Variants in FSTL4 observed in about 807,000 individuals in gnomAD.
FSTL4 encodes follistatin-related protein 4.
A neutral mutation model predicts 78.2 loss-of-function variants in FSTL4; 28 were observed. The observed-to-expected ratio is 0.36, with a 90% CI of 0.27 to 0.49. FSTL4 has a LOEUF of 0.49. Ranked by LOEUF, FSTL4 falls within the 20% of genes least tolerant of loss-of-function variation. The pLI is 0.98. For missense variants in FSTL4, 922 were observed against 1,084.9 expected, an observed-to-expected ratio of 0.85 and a Z score of 2.11; for synonymous variants, 422 against 440.5, an observed-to-expected ratio of 0.96 and a Z score of 0.53.
intron 6 of FSTL4, 23 bp downstream of exon 6, chr5:133,312,631 T>C: frequency 1.2e-6 from 2 of 1,612,848 alleles, no homozygotes; most frequent in Non-Finnish European, 1.7e-6. Context: ...AATAAGCCCT[T>C]TTCCCACTGG....
At chr5:133,312,836 GATGAAA>G (rs1753820049) in intron 5 of FSTL4, 59 bp from the exon 6 acceptor site, 1 of 1,569,318 alleles carries the variant, frequency 6.4e-7, no homozygotes, top group Admixed American at 1.7e-5. Context: ...CATAGGCATT[GATGAAA>G]ATGACTCAGG....
chr5:133,514,412 AACC>A (rs1455820366), intron 3 of FSTL4, among the ~76,000 whole-genome samples: 1 of 152,174 alleles, frequency 6.6e-6, no homozygotes, highest in Non-Finnish European at 1.5e-5. Context: ...TCCACATAGG[AACC>A]AGTAAAGAGC....
chr5:133,272,011 A>G (rs1752778357), intron 6 of FSTL4, among the ~76,000 whole-genome samples: 2 of 152,114 alleles, frequency 1.3e-5, no homozygotes, highest in African/African-American at 4.8e-5. Flanking sequence ...CTTTCTCCCA[A>G]CATGACTTTC....
intron 4 of FSTL4, among the ~76,000 whole-genome samples, chr5:133,350,993 G>T (rs1310823800): frequency 6.6e-6 from 1 of 152,234 alleles, no homozygotes; most frequent in African/African-American, 2.4e-5. Context: ...GTAACTTCAA[G>T]ATTTTGTTAC....
intron 3 of FSTL4, among the ~76,000 whole-genome samples, chr5:133,476,054 A>T (rs1043407393): frequency 6.6e-6 from 1 of 152,158 alleles, no homozygotes; most frequent in Non-Finnish European, 1.5e-5. Context: ...GGAGGACGAG[A>T]GAAAAGGAAA....
chr5:133,719,293 C>A, the FSTL4 span, among the ~76,000 whole-genome samples: 1 of 152,138 alleles, frequency 6.6e-6, no homozygotes, highest in African/African-American at 2.4e-5. Flanking sequence ...CTTACTTGAA[C>A]TGTACACAGA....
the FSTL4 span, among the ~76,000 whole-genome samples, chr5:133,641,982 C>G: frequency 1.3e-5 from 2 of 151,774 alleles, no homozygotes; most frequent in Admixed American, 1.3e-4. Flanking sequence ...CCTAACAGCT[C>G]TTGAACTCTC....
chr5:133,395,494 C>T (rs540128852), intron 4 of FSTL4, among the ~76,000 whole-genome samples: 56 of 152,322 alleles, frequency 3.7e-4, no homozygotes, highest in Non-Finnish European at 6.5e-4. Context: ...TAACACTCAC[C>T]GCGCGGGTCC....
chr5:133,354,780 T>C (rs1191294919), intron 4 of FSTL4, among the ~76,000 whole-genome samples: 4 of 152,234 alleles, frequency 2.6e-5, no homozygotes, highest in African/African-American at 9.6e-5. Flanking sequence ...CATGCAGATC[T>C]CACGTCACCT....
chr5:133,336,103 T>C (rs1237660834), intron 4 of FSTL4, among the ~76,000 whole-genome samples: 1 of 152,142 alleles, frequency 6.6e-6, no homozygotes, highest in Admixed American at 6.5e-5. Context: ...ATAGACCAAA[T>C]AGGCACAAGG....
intron 13 of FSTL4, among the ~76,000 whole-genome samples, chr5:133,211,932 C>A (rs1239305037): frequency 6.6e-6 from 1 of 152,196 alleles, no homozygotes; most frequent in Non-Finnish European, 1.5e-5. Context: ...CACTCATCAC[C>A]ATCTTTGAAG....
intron 4 of FSTL4, among the ~76,000 whole-genome samples, chr5:133,350,767 G>A (rs570522547): frequency 6.6e-6 from 1 of 152,244 alleles, no homozygotes; most frequent in African/African-American, 2.4e-5. Context: ...GGGCTCCATG[G>A]TCCAGGATGA....
chr5:133,705,537 G>C, the FSTL4 span, among the ~76,000 whole-genome samples: 1 of 152,054 alleles, frequency 6.6e-6, no homozygotes, highest in Non-Finnish European at 1.5e-5. Context: ...TGCCTCAGTT[G>C]GGCCATAAAT....
the FSTL4 span, among the ~76,000 whole-genome samples, chr5:133,700,624 C>T: frequency 6.6e-6 from 1 of 152,194 alleles, no homozygotes; most frequent in African/African-American, 2.4e-5. Context: ...AGGAATGATA[C>T]CCAAACCTAC....
intron 2 of FSTL4, among the ~76,000 whole-genome samples, chr5:133,596,129 G>A (rs778298416): frequency 2.0e-5 from 3 of 152,332 alleles, no homozygotes; most frequent in South Asian, 2.1e-4. Context: ...CTAGAGAGCC[G>A]TGCACATCAG....
At chr5:133,487,951 G>A (rs375919496) in intron 3 of FSTL4, among the ~76,000 whole-genome samples, 18 of 152,182 alleles carry the variant, frequency 1.2e-4, no homozygotes, top group African/African-American at 3.9e-4. Context: ...AGAACCAAGC[G>A]TAGATCATCA....
chr5:133,505,102 AAAC>A (rs937810852), intron 3 of FSTL4, among the ~76,000 whole-genome samples: 2 of 152,234 alleles, frequency 1.3e-5, no homozygotes, highest in African/African-American at 4.8e-5. Flanking sequence ...CAATTTGTAC[AAAC>A]AACATAAATG....
chr5:133,454,707 C>G (rs1038831116), intron 3 of FSTL4, among the ~76,000 whole-genome samples: 5 of 152,226 alleles, frequency 3.3e-5, no homozygotes, highest in African/African-American at 1.2e-4. Flanking sequence ...TAAGCCACCA[C>G]CCACATTCTG....
rs1752557046 is a variant in FSTL4 at position 133,262,546 on chromosome 5, T to G, written c.728-12970A>C. On this transcript the variant is annotated intron_variant, in intron 6 of 15. Coordinates refer to ENST00000265342, the MANE Select transcript of FSTL4 (RefSeq NM_015082.2). ...CTGTAACCTGTAGAATATGTCTACT[T>G]GGCCAACCACATTCAGCATAAAGCT... Among the ~76,000 whole-genome samples, 4 of 152,214 alleles carry G rather than the reference T, an allele frequency of 2.6e-5. No homozygotes were observed. The South Asian group carries it at 8.3e-4, about 32-fold the overall frequency.
Sources: gnomAD v4.1 joint callset for allele counts (sites outside exome capture counted in the v4.1 genomes callset) on GRCh38, gnomAD v4.1.1 for gene constraint, MANE v1.5 for transcripts, NCBI Gene and HGNC (gene_info 2026-07-23, HGNC 2026-07-21) for gene names.